Variants in SYT1 observed in about 807,000 individuals in gnomAD.
SYT1 encodes synaptotagmin 1, also known as synaptotagmin-1.
In SYT1, 8 loss-of-function variants were observed where a neutral mutation model predicts 44.8. The ratio of observed to expected loss-of-function variants is 0.18; its 90% CI spans 0.10 to 0.32. The LOEUF (loss-of-function observed/expected upper bound fraction) is 0.32. SYT1 is among the 10% of genes least tolerant of loss of function. The pLI, the probability that SYT1 is intolerant of heterozygous loss-of-function variation, is 1.00. For missense variants in SYT1, 286 were observed against 509.3 expected, an observed-to-expected ratio of 0.56 and a Z score of 4.22; for synonymous variants, 154 against 188.8, an observed-to-expected ratio of 0.82 and a Z score of 1.51.
At chr12:79,086,191 A>C (rs921432020) in intron 3 of SYT1, among the ~76,000 whole-genome samples, 6 of 152,138 alleles carry the variant, frequency 3.9e-5, no homozygotes, top group Non-Finnish European at 7.4e-5. Flanking sequence ...CATCATCATC[A>C]TCATTGTTAT....
chr12:78,919,084 A>T (rs1876834410), intron 1 of SYT1, among the ~76,000 whole-genome samples: 1 of 152,050 alleles, frequency 6.6e-6, no homozygotes, highest in Non-Finnish European at 1.5e-5. Flanking sequence ...GTTATTGATG[A>T]CTTTTCATGA....
intron 3 of SYT1, among the ~76,000 whole-genome samples, chr12:79,103,823 A>G (rs1010091441): frequency 1.3e-5 from 2 of 152,154 alleles, no homozygotes; most frequent in African/African-American, 4.8e-5. Context: ...GAGCCATAAG[A>G]GCTTCAACAG....
At chr12:79,109,041 G>C (rs1878869614) in intron 3 of SYT1, among the ~76,000 whole-genome samples, 1 of 152,210 alleles carries the variant, frequency 6.6e-6, no homozygotes, top group South Asian at 2.1e-4. Flanking sequence ...TCAAGGAAAA[G>C]AGGGAAAACA....
rs1869087506 is a variant in SYT1 at position 79,134,976 on chromosome 12, A to G, written c.-17-82527A>G. On this transcript the variant is annotated intron_variant, in intron 3 of 10. Transcript: ENST00000261205. Reference sequence around the variant, plus strand: ...AATTTGCAAAGAAAGTAGATCTTAAATGTTCTCACCACACACACACACACA... The same window carrying G: ...AATTTGCAAAGAAAGTAGATCTTAAGTGTTCTCACCACACACACACACACA... Among the ~76,000 whole-genome samples the G allele has an allele frequency of 2.7e-5, 4 of 147,006 alleles. No individual in the cohort carries two copies. The South Asian group carries it at 8.5e-4, about 31-fold the overall frequency.
At chr12:78,902,782 T>C (rs17045902) in intron 1 of SYT1, among the ~76,000 whole-genome samples, 12,738 of 152,204 alleles carry the variant, frequency 0.084, 633 homozygotes, top group African/African-American at 0.14. Context: ...TTGGTTATTT[T>C]ACTGGCAACT....
intron 3 of SYT1, among the ~76,000 whole-genome samples, chr12:79,051,415 A>G (rs914556568): frequency 1.3e-5 from 2 of 150,348 alleles, no homozygotes; most frequent in Non-Finnish European, 3.0e-5. Flanking sequence ...TCTCTACTAT[A>G]TATGTATAAA....
rs201683697 is a variant in SYT1, at chr12:79,134,986, CACA to C, written c.-17-82516_-17-82514del. ...GAAAGTAGATCTTAAATGTTCTCAC[CACA>C]CACACACACACACACACACAAATGG... On this transcript the variant is annotated intron_variant, in intron 3 of 10. Transcript: ENST00000261205. Among the ~76,000 whole-genome samples the C allele has an allele frequency of 8.9e-3, 963 of 107,676 alleles. 13 individuals are homozygous for C. Among genetic ancestry groups the C allele is most frequent in the African/African-American group, 0.038 (897 of 23,870 alleles). The allele number at this position is 107,676 out of a possible 152,430, so 70.6% of individuals were successfully genotyped here.
chr12:79,214,941 ATGTGTGTGTGTGTGTGTG>A (rs71091652), intron 3 of SYT1, among the ~76,000 whole-genome samples: 28 of 148,450 alleles, frequency 1.9e-4, no homozygotes, highest in African/African-American at 6.7e-4. Flanking sequence ...ATGTGTGTAT[ATGTGTGTGTGTGTGTGTG>A]TGTGTGTGTG....
intron 3 of SYT1, among the ~76,000 whole-genome samples, chr12:79,173,399 A>C (rs1871669163): frequency 6.6e-6 from 1 of 152,066 alleles, no homozygotes; most frequent in South Asian, 2.1e-4. Flanking sequence ...TAGGCCAAGC[A>C]TCCTCCCCAC....
chr12:79,059,149 C>T (rs906705207), intron 3 of SYT1, among the ~76,000 whole-genome samples: 1 of 151,870 alleles, frequency 6.6e-6, no homozygotes, highest in African/African-American at 2.4e-5. Context: ...TTTATAAAAC[C>T]ATCAGATCTC....
Position 79,211,438 on chromosome 12 carries a change from CT to C in SYT1, c.-17-6057del, listed in dbSNP as rs531739136. Among the ~76,000 whole-genome samples, 913 of 151,778 alleles carry C rather than the reference CT, an allele frequency of 6.0e-3. 5 individuals carry two copies. The highest frequency in any genetic ancestry group is 0.021 in the African/African-American group (862 of 41,400). ...ATTTCTAGAAGAAAAATGACCCTTTCTTTTTTTTATTATTATTATACTTTAA... is the reference window on the plus strand; with the variant it reads ...ATTTCTAGAAGAAAAATGACCCTTTCTTTTTTTATTATTATTATACTTTAA... On this transcript the variant is annotated intron_variant, in intron 3 of 10. Coordinates refer to ENST00000261205, the MANE Select transcript of SYT1 (RefSeq NM_005639.3).
At chr12:78,951,801 A>G (rs17046098) in intron 1 of SYT1, among the ~76,000 whole-genome samples, 25,095 of 152,042 alleles carry the variant, frequency 0.17, 2,392 homozygotes, top group East Asian at 0.31. Flanking sequence ...CCATTGTCTA[A>G]TCGCAACCTC....
At chr12:78,889,195 G>T (rs1185215790) in intron 1 of SYT1, among the ~76,000 whole-genome samples, 4 of 151,698 alleles carry the variant, frequency 2.6e-5, no homozygotes, top group Admixed American at 1.3e-4. Flanking sequence ...TCTTATCCTG[G>T]CATCCATGTT....
chr12:79,129,774 GT>G, intron 3 of SYT1, among the ~76,000 whole-genome samples: 1 of 152,240 alleles, frequency 6.6e-6, no homozygotes, highest in South Asian at 2.1e-4. Flanking sequence ...GAAAATCAGG[GT>G]TGGGGAGGAG....
chr12:79,000,469 T>C (rs139727965), intron 2 of SYT1, among the ~76,000 whole-genome samples: 212 of 152,044 alleles, frequency 1.4e-3, no homozygotes, highest in African/African-American at 4.1e-3. Flanking sequence ...CCAGATAATT[T>C]TGTACTTTTA....
chr12:79,248,447 A>G (rs1450671880), intron 4 of SYT1, among the ~76,000 whole-genome samples: 1 of 152,252 alleles, frequency 6.6e-6, no homozygotes, highest in African/African-American at 2.4e-5. Flanking sequence ...CAATAGCATG[A>G]AAGCCAGAGA....
At chr12:78,921,536 C>G (rs1226932972) in intron 1 of SYT1, among the ~76,000 whole-genome samples, 1 of 151,830 alleles carries the variant, frequency 6.6e-6, no homozygotes, top group Non-Finnish European at 1.5e-5. Flanking sequence ...GCTACAATTC[C>G]TAAAACTGGA....
At chr12:78,944,279 G>A (rs963307398) in intron 1 of SYT1, among the ~76,000 whole-genome samples, 4 of 123,910 alleles carry the variant, frequency 3.2e-5, no homozygotes, top group African/African-American at 1.1e-4. Flanking sequence ...TACAGCAGTG[G>A]TGATAATGTT....
intron 9 of SYT1, among the ~76,000 whole-genome samples, chr12:79,406,385 A>G (rs1389199160): frequency 6.6e-6 from 1 of 152,000 alleles, no homozygotes; most frequent in African/African-American, 2.4e-5. Flanking sequence ...TATTCTATAC[A>G]CTCTCTGAAA....
Sources: allele counts gnomAD v4.1 joint callset (sites outside exome capture counted in the v4.1 genomes callset), GRCh38; gene constraint gnomAD v4.1.1; transcripts MANE v1.5; gene names NCBI Gene and HGNC (gene_info 2026-07-23, HGNC 2026-07-21).